PTPN20: variants seen among roughly 807,000 people sequenced by gnomAD.
PTPN20 encodes protein tyrosine phosphatase non-receptor type 20, also known as tyrosine-protein phosphatase non-receptor type 20.
PTPN20 carries 9 observed loss-of-function variants against 35.0 expected under a neutral mutation model. The ratio of observed to expected loss-of-function variants is 0.26; its 90% CI spans 0.15 to 0.45. PTPN20 has a LOEUF of 0.45. Ranked by LOEUF, PTPN20 falls within the 20% of genes least tolerant of loss-of-function variation. The pLI is 1.00. For missense variants in PTPN20, 111 were observed against 312.5 expected (o/e 0.36, Z 4.86); for synonymous variants, 32 against 100.2 (o/e 0.32, Z 4.06).
At chr10:46,954,085 G>GTT (rs782056216) in intron 5 of PTPN20, among the ~76,000 whole-genome samples, 4 of 75,680 alleles carry the variant, frequency 5.3e-5, no homozygotes, top group Non-Finnish European at 5.0e-5. Context: ...TTAGTTTTTA[G>GTT]TTTTTTTTTT....
At chr10:46,947,745 C>G (rs1326776615) in intron 5 of PTPN20, 3 of 377,528 alleles carry the variant, frequency 7.9e-6, no homozygotes, top group Admixed American at 6.8e-5. Flanking sequence ...AAATATGTAG[C>G]CTTTTGAGTC....
In PTPN20 at chr10:46,957,476, C is replaced by T. The variant is rs2048738712; in HGVS notation, c.341-7510C>T. ...ATAGGCCAGGCATGGTGGCTCATGCCAGTAATCTCAGCACTTTGGGAGGCC... is the reference window on the plus strand; with the variant it reads ...ATAGGCCAGGCATGGTGGCTCATGCTAGTAATCTCAGCACTTTGGGAGGCC... On this transcript the variant is annotated intron_variant, in intron 5 of 10. Transcript: ENST00000374339. Among the ~76,000 whole-genome samples, 5 of 152,046 alleles carry T rather than the reference C, an allele frequency of 3.3e-5. No individual in the cohort carries two copies. In the South Asian group the frequency reaches 1.0e-3, roughly 32 times the overall value.
chr10:46,970,693 G>A (rs1343249552), intron 7 of PTPN20, among the ~76,000 whole-genome samples: 2 of 147,922 alleles, frequency 1.4e-5, no homozygotes, highest in Non-Finnish European at 3.0e-5. Context: ...GGAACTTACC[G>A]ACATGAATGA....
intron 7 of PTPN20, among the ~76,000 whole-genome samples, chr10:46,968,570 TCAG>T (rs2051405203): frequency 1.3e-5 from 2 of 152,226 alleles, no homozygotes; most frequent in African/African-American, 4.8e-5. Flanking sequence ...TCCTCCTCAC[TCAG>T]TTACTCTTAG....
chr10:46,997,347 C>G (rs1252638665), intron 9 of PTPN20, among the ~76,000 whole-genome samples: 3 of 149,710 alleles, frequency 2.0e-5, no homozygotes, highest in South Asian at 4.2e-4. Flanking sequence ...TACTTATTAG[C>G]TCTTAGAGGT....
At chr10:46,989,410 A>T (rs2057503356) in intron 9 of PTPN20, among the ~76,000 whole-genome samples, 1 of 71,870 alleles carries the variant, frequency 1.4e-5, no homozygotes, top group Non-Finnish European at 2.5e-5. Context: ...AGATTCTCAT[A>T]TGGTTTTTGT....
intron 2 of PTPN20, 95 bp downstream of exon 2, chr10:46,932,628 T>G: frequency 6.4e-7 from 1 of 1,562,272 alleles, no homozygotes; most frequent in Non-Finnish European, 8.8e-7. Flanking sequence ...ACCTGTGGAT[T>G]ATTATCCTGC....
chr10:46,976,304 C>T (rs1199796787), intron 7 of PTPN20, among the ~76,000 whole-genome samples: 43 of 94,326 alleles, frequency 4.6e-4, no homozygotes, highest in African/African-American at 1.7e-3. Context: ...ACTTCATTTT[C>T]TTTCCCTTTT....
At chr10:46,999,489 T>C (rs2059727739) in intron 9 of PTPN20, among the ~76,000 whole-genome samples, 1 of 152,210 alleles carries the variant, frequency 6.6e-6, no homozygotes, top group Non-Finnish European at 1.5e-5. Flanking sequence ...CCACACACAG[T>C]CTGGAATCTA....
chr10:46,959,102 G>A (rs1431371790), intron 5 of PTPN20, among the ~76,000 whole-genome samples: 4 of 142,932 alleles, frequency 2.8e-5, no homozygotes, highest in South Asian at 2.3e-4. Context: ...AATGAAAATG[G>A]GATATTGAAA....
chr10:46,939,858 T>C (rs2042891620), intron 2 of PTPN20, among the ~76,000 whole-genome samples: 1 of 151,850 alleles, frequency 6.6e-6, no homozygotes, highest in African/African-American at 2.4e-5. Flanking sequence ...TTAGATTTCC[T>C]TTTTAACACA....
intron 1 of PTPN20, among the ~76,000 whole-genome samples, chr10:46,919,280 T>C (rs1235925132): frequency 5.3e-5 from 8 of 152,148 alleles, no homozygotes; most frequent in Non-Finnish European, 1.2e-4. Flanking sequence ...TTACATTTAA[T>C]ATAATTATTG....
intron 1 of PTPN20, among the ~76,000 whole-genome samples, chr10:46,929,544 TACATAC>T: frequency 6.6e-6 from 1 of 151,790 alleles, no homozygotes. Context: ...TACCTGGTGA[TACATAC>T]ACATTCTTTA....
chr10:47,000,854 T>C lies in PTPN20; in HGVS notation c.*113T>C, dbSNP rs1219776509. The C allele has an allele frequency of 1.5e-6, 2 of 1,339,066 alleles. No homozygotes were observed. Among genetic ancestry groups the C allele is most frequent in the East Asian group, 2.3e-5 (1 of 43,486 alleles). 82.9% of individuals were successfully genotyped at this position (1,339,066 alleles called of 1,614,324 possible). On this transcript the variant is annotated 3_prime_UTR_variant, in exon 11 of 11. Transcript: ENST00000374339. ...TTGCTATGCATACAATCTGCTTTCTTGGTTTATCAGTTTATTTTCTTTCTA... is the reference window on the plus strand; with the variant it reads ...TTGCTATGCATACAATCTGCTTTCTCGGTTTATCAGTTTATTTTCTTTCTA...
In PTPN20 at chr10:46,999,911, G is replaced by C. The variant is rs2059806193; in HGVS notation, c.1135-1G>C. ...ACAAAATTACTGTCATCTTATTACA[G>C]TTCAACATCATGGATATAGTGGCCC... is the stretch of plus-strand genomic sequence containing the variant. On this transcript the variant is annotated splice_acceptor_variant, in intron 9 of 10. Coordinates refer to ENST00000374339, the MANE Select transcript of PTPN20 (RefSeq NM_001042357.5). LOFTEE classifies it high-confidence loss of function. The C allele has an allele frequency of 6.2e-7, 1 of 1,613,518 alleles. No homozygotes were observed. Among genetic ancestry groups the C allele is most frequent in the Non-Finnish European group, 8.5e-7 (1 of 1,179,694 alleles).
chr10:46,939,023 A>G (rs2042609228), intron 2 of PTPN20, among the ~76,000 whole-genome samples: 1 of 152,130 alleles, frequency 6.6e-6, no homozygotes, highest in African/African-American at 2.4e-5. Context: ...CTTGTTTACA[A>G]TTCTCATAGA....
downstream of PTPN20, among the ~76,000 whole-genome samples, chr10:47,003,495 CTT>C (rs1462770091): frequency 0.022 from 3,373 of 152,160 alleles, 56 homozygotes; most frequent in Non-Finnish European, 0.034. Flanking sequence ...TATTAGCAAA[CTT>C]ATTATGAAGT....
chr10:46,967,644 G>A (rs1406866568), intron 6 of PTPN20, among the ~76,000 whole-genome samples: 1 of 147,034 alleles, frequency 6.8e-6, no homozygotes, highest in Non-Finnish European at 1.5e-5. Flanking sequence ...TCTGAGAAAT[G>A]AATAGCTTGT....
chr10:46,911,448 T>C lies in PTPN20; in HGVS notation c.-177T>C. On this transcript the variant is annotated 5_prime_UTR_variant, in exon 1 of 11. Transcript: ENST00000374339. ...CCGGCAGGCTAGGCGTGGACCCAAC[T>C]GGCGAGGCTGCTGGGGTTGCAGCGG... 3.2e-6 allele frequency: 1 copy of C among 310,258 alleles called. No homozygotes were observed. The highest frequency in any genetic ancestry group is 2.6e-5 in the South Asian group (1 of 39,010). 19.2% of individuals were successfully genotyped at this position (310,258 alleles called of 1,614,324 possible).
Sources: allele counts gnomAD v4.1 joint callset (sites outside exome capture counted in the v4.1 genomes callset), GRCh38; gene constraint gnomAD v4.1.1; transcripts MANE v1.5; gene names NCBI Gene and HGNC (gene_info 2026-07-23, HGNC 2026-07-21).